Variants in SLC18A1 observed in about 807,000 individuals in gnomAD.
The protein encoded by SLC18A1 is chromaffin granule amine transporter.
In SLC18A1, 69 loss-of-function variants were observed where a neutral mutation model predicts 53.7. The observed-to-expected ratio is 1.28, with a 90% CI of 1.06 to 1.57. SLC18A1 has a LOEUF of 1.57. Among genes scored for constraint, SLC18A1 ranks in the 40% most tolerant of loss-of-function variants. The pLI, the probability that SLC18A1 is intolerant of heterozygous loss-of-function variation, is 0.00. For synonymous variants in SLC18A1, 320 were observed against 248.1 expected, an observed-to-expected ratio of 1.29 and a Z score of -2.72; for missense variants, 932 against 668.1, an observed-to-expected ratio of 1.40 and a Z score of -4.35.
Position 20,179,169 on chromosome 8 carries a change from G to C in SLC18A1, c.440C>G (p.Ala147Gly), listed in dbSNP as rs1472627830. The C allele has an allele frequency of 1.2e-6, 2 of 1,613,968 alleles. No homozygotes were observed. The highest frequency in any genetic ancestry group is 2.7e-5 in the African/African-American group (2 of 74,916). Residue 147 changes from alanine (A) to glycine (G), a missense_variant, in exon 3 of 16, where the codon GCT becomes GGT. Transcript: ENST00000276373. ...TGGGTTGACCAGAAGTTGCATCACAGCCTTTGAAGCAAACAGAACCCCGAC... is the reference window on the plus strand; with the variant it reads ...TGGGTTGACCAGAAGTTGCATCACACCCTTTGAAGCAAACAGAACCCCGAC... The part of the protein sequence containing the change: ...TRVGVLFASK[A>G]VMQLLVNPFV...
rs751784463 is a variant in SLC18A1 at position 20,147,501 on chromosome 8, G to A, written c.1330+102C>T. ...TGGGTGACCCAGAGGATGTCTCAGCGTCAAAGATCTCCAGAACCCTAGGAG... is the reference window on the plus strand; with the variant it reads ...TGGGTGACCCAGAGGATGTCTCAGCATCAAAGATCTCCAGAACCCTAGGAG... On this transcript the variant is annotated intron_variant, in intron 14 of 15. Coordinates refer to ENST00000276373, the MANE Select transcript of SLC18A1 (RefSeq NM_003053.4). The A allele has an allele frequency of 5.1e-4, 805 of 1,579,120 alleles. 1 individual carries two copies. Among genetic ancestry groups the A allele is most frequent in the Non-Finnish European group, 6.3e-4 (727 of 1,157,648 alleles).
In SLC18A1 at chr8:20,160,916, T is replaced by C. The variant is rs7010744; in HGVS notation, c.1015+3953A>G. On this transcript the variant is annotated intron_variant, in intron 10 of 15. Coordinates refer to ENST00000276373, the MANE Select transcript of SLC18A1 (RefSeq NM_003053.4). ...AGAAAAAGGGGCCAAACTCCCCCCT[T>C]TTGTGACTAACCCACTCCTATGATA... Among the ~76,000 whole-genome samples, 994 of 152,186 alleles carry C rather than the reference T, an allele frequency of 6.5e-3. 9 individuals carry two copies. Among genetic ancestry groups the C allele is most frequent in the African/African-American group, 0.023 (942 of 41,528 alleles).
chr8:20,147,047 G>C (rs1034327013), intron 15 of SLC18A1, among the ~76,000 whole-genome samples: 2 of 152,074 alleles, frequency 1.3e-5, no homozygotes, highest in Non-Finnish European at 2.9e-5. Context: ...GATAGCCCCA[G>C]AAAGAGGGAA....
Position 20,171,144 on chromosome 8 carries a change from G to A in SLC18A1, c.817C>T (p.Leu273Phe), listed in dbSNP as rs748216568. ...GAAGGCTGTAGGATGCAAAGCTGGAGTGCTAAGAAACAAAGAAGGTGAGAC... is the reference window on the plus strand; with the variant it reads ...GAAGGCTGTAGGATGCAAAGCTGGAATGCTAAGAAACAAAGAAGGTGAGAC... ...LAFLALLDGALQLCILQPSKV... is the reference protein window; with the variant it reads ...LAFLALLDGAFQLCILQPSKV... The change falls in exon 8 of 16, where the codon CTC becomes TTC. Residue 273 changes from leucine to phenylalanine, a missense_variant and splice_region_variant. Coordinates refer to ENST00000276373, the MANE Select transcript of SLC18A1 (RefSeq NM_003053.4). 6.8e-6 allele frequency: 11 copies of A among 1,614,186 alleles called. No individual in the cohort carries two copies. The highest frequency in any genetic ancestry group is 8.5e-6 in the Non-Finnish European group (10 of 1,180,012).
chr8:20,181,909 C>T (rs2072438597), intron 1 of SLC18A1: 1 of 152,172 alleles, frequency 6.6e-6, no homozygotes, highest in Admixed American at 6.6e-5. Flanking sequence ...CACGCTCATT[C>T]TTTTGTTTGA....
chr8:20,165,124 C>G lies in SLC18A1; in HGVS notation c.859-17G>C, dbSNP rs1563748825. On this transcript the variant is annotated splice_polypyrimidine_tract_variant and intron_variant, in intron 8 of 15. Coordinates refer to ENST00000276373, the MANE Select transcript of SLC18A1 (RefSeq NM_003053.4). ...CTTGGCACTCTGAGAACATGGATAA[C>G]AAAAAATGTCCATTTGTACAGTGCA... 1.2e-5 allele frequency: 20 copies of G among 1,608,864 alleles called. No homozygotes were observed. The highest frequency in any genetic ancestry group is 1.7e-5 in the Non-Finnish European group (20 of 1,175,564).
rs1444416505 is a variant in SLC18A1 at position 20,180,939 on chromosome 8, G to A, written c.26C>T (p.Pro9Leu). The change falls in exon 2 of 16, where the codon CCC becomes CTC. Residue 9 changes from proline (P) to leucine (L), a missense_variant. Pro to Leu is a moderately conservative substitution (Grantham distance 98, BLOSUM62 -3). Coordinates refer to ENST00000276373, the MANE Select transcript of SLC18A1 (RefSeq NM_003053.4). ...TCTCCCCTCCTTCAGCAACCGCTGGGGAGCATCCAGAATGGTCCGGAGCAT... is the reference window on the plus strand; with the variant it reads ...TCTCCCCTCCTTCAGCAACCGCTGGAGAGCATCCAGAATGGTCCGGAGCAT... MLRTILDA[P>L]QRLLKEGRAS... 1.3e-6 allele frequency: 2 copies of A among 1,595,024 alleles called. No individual in the cohort carries two copies. The highest frequency in any genetic ancestry group is 1.1e-5 in the South Asian group (1 of 88,554).
At chr8:20,174,498 C>G in intron 4 of SLC18A1, 54 bp from the exon 5 acceptor site, 1 of 1,216,596 alleles carries the variant, frequency 8.2e-7, no homozygotes, top group East Asian at 2.3e-5. Context: ...CTTTGCTTCC[C>G]CAGCCGCCAG....
chr8:20,176,477 C>T (rs977971972), intron 4 of SLC18A1, among the ~76,000 whole-genome samples: 23 of 152,184 alleles, frequency 1.5e-4, no homozygotes, highest in Non-Finnish European at 4.4e-5. Flanking sequence ...TAAGACACCC[C>T]TCAATTCTAG....
intron 10 of SLC18A1, among the ~76,000 whole-genome samples, chr8:20,156,012 C>T (rs971256801): frequency 3.9e-5 from 6 of 152,344 alleles, no homozygotes; most frequent in Non-Finnish European, 7.4e-5. Context: ...CTGTGCAATA[C>T]AATCTCCAAG....
In SLC18A1 at chr8:20,170,960, T is replaced by G. The variant is rs1585216336; in HGVS notation, c.858+143A>C. ...CCCCACACTACCTGAAACGTAACCC[T>G]ATCCTGGAATCCAAACACAGTTCTC... On this transcript the variant is annotated intron_variant, in intron 8 of 15. Coordinates refer to ENST00000276373, the MANE Select transcript of SLC18A1 (RefSeq NM_003053.4). 49 of 763,048 alleles carry G rather than the reference T, an allele frequency of 6.4e-5. No homozygotes were observed. The South Asian group carries it at 8.4e-4, about 13-fold the overall frequency. 47.3% of individuals were successfully genotyped at this position (763,048 alleles called of 1,614,324 possible).
At chr8:20,176,920 T>C (rs1191899983) in intron 4 of SLC18A1, among the ~76,000 whole-genome samples, 2 of 152,182 alleles carry the variant, frequency 1.3e-5, no homozygotes, top group East Asian at 1.9e-4. Context: ...GCACACCGCA[T>C]TGTCTTACTT....
rs1170309317 is a variant in SLC18A1 at position 20,150,713 on chromosome 8, G to A, written c.1047C>T (p.Tyr349=). The A allele has an allele frequency of 4.3e-6, 7 of 1,614,042 alleles. No individual in the cohort carries two copies. Among genetic ancestry groups the A allele is most frequent in the Admixed American group, 1.7e-5 (1 of 59,998 alleles). The change falls in exon 11 of 16, where the codon TAC becomes TAT. Residue 349 remains tyrosine, a synonymous_variant. Transcript: ENST00000276373. ...GLAFLPASVS[Y]LIGTNLFGVL... is the part of the protein sequence containing the mutation. ...CACCAAAGAGGTTGGTGCCAATGAG[G>A]TAGGACACACTGGCAGGCAAGAAAG... is the stretch of plus-strand genomic sequence containing the variant.
intron 10 of SLC18A1, among the ~76,000 whole-genome samples, chr8:20,163,951 G>A (rs541240198): frequency 6.6e-5 from 10 of 152,246 alleles, no homozygotes; most frequent in African/African-American, 1.7e-4. Flanking sequence ...TAGGGCAGGC[G>A]ATGAATTATC....
At chr8:20,178,275 G>T (rs2072302297) in intron 4 of SLC18A1, among the ~76,000 whole-genome samples, 160 bp downstream of exon 4, 1 of 152,150 alleles carries the variant, frequency 6.6e-6, no homozygotes. Flanking sequence ...TACTGTTCTA[G>T]TCCACATACC....
chr8:20,168,788 T>C (rs2072038027), intron 8 of SLC18A1, among the ~76,000 whole-genome samples: 2 of 152,216 alleles, frequency 1.3e-5, no homozygotes, highest in Non-Finnish European at 2.9e-5. Context: ...CAGGCTGGTC[T>C]CAAACTCCTG....
Position 20,173,080 on chromosome 8 carries a change from C to A in SLC18A1, c.680G>T (p.Arg227Leu). The A allele has an allele frequency of 6.3e-7, 1 of 1,585,412 alleles. No individual in the cohort carries two copies. Among genetic ancestry groups the A allele is most frequent in the Non-Finnish European group, 8.6e-7 (1 of 1,166,614 alleles). The change falls in exon 6 of 16, where the codon CGA becomes CTA. Residue 227 changes from arginine to leucine, a missense_variant. By Grantham distance (102) the Arg-to-Leu change is moderately radical. Transcript: ENST00000276373. ...GCCCCCCAGAGCAGTTCCCATGGCT[C>A]GTCCTCTCTCATGGTCATCAGTGTA... is the stretch of plus-strand genomic sequence containing the variant. ...SVYTDDHERG[R>L]AMGTALGGLA...
intron 6 of SLC18A1, 136 bp downstream of exon 6, chr8:20,172,900 C>G: frequency 1.5e-6 from 1 of 660,180 alleles, no homozygotes; most frequent in Non-Finnish European, 2.7e-6. Context: ...AACCTTTTCT[C>G]AGTGATATTT....
Position 20,171,424 on chromosome 8 carries a change from G to C in SLC18A1, c.795C>G (p.Phe265Leu), listed in dbSNP as rs758129227. 6.2e-7 allele frequency: 1 copy of C among 1,614,118 alleles called. No individual in the cohort carries two copies. The highest frequency in any genetic ancestry group is 8.5e-7 in the Non-Finnish European group (1 of 1,179,970). ...GKSAPFLILA[F>L]LALLDGALQL... Reference sequence around the variant, plus strand: ...ACTTACCTCCATCCAGTAGTGCCAGGAAGGCCAGGATGAGGAAGGGTGCAG... The same window carrying C: ...ACTTACCTCCATCCAGTAGTGCCAGCAAGGCCAGGATGAGGAAGGGTGCAG... Residue 265 changes from phenylalanine (F) to leucine (L), a missense_variant, in exon 7 of 16, where the codon TTC becomes TTG. Phe to Leu is a conservative substitution (Grantham distance 22). Coordinates refer to ENST00000276373, the MANE Select transcript of SLC18A1 (RefSeq NM_003053.4).
Sources: gnomAD v4.1 joint callset for allele counts (sites outside exome capture counted in the v4.1 genomes callset) on GRCh38, gnomAD v4.1.1 for gene constraint, MANE v1.5 for transcripts, NCBI Gene and HGNC (gene_info 2026-07-23, HGNC 2026-07-21) for gene names.